DDX41: variants seen among roughly 807,000 people sequenced by gnomAD.
DDX41 encodes the protein probable ATP-dependent RNA helicase DDX41.
In DDX41, 50 loss-of-function variants were observed where a neutral mutation model predicts 78.8. That is an observed-to-expected ratio of 0.63 (90% confidence interval 0.51 to 0.80). DDX41 has a LOEUF of 0.80. Ranked by LOEUF, DDX41 falls within the 30% of genes least tolerant of loss-of-function variation. The pLI is 0.00. For missense variants in DDX41, 633 were observed against 849.2 expected (o/e 0.75, Z 3.16); for synonymous variants, 381 against 321.5 (o/e 1.19, Z -1.98).
rs778296480 is a variant in DDX41, at chr5:177,513,041, C to T, written c.1272G>A (p.Leu424=). 1.9e-5 allele frequency: 31 copies of T among 1,613,850 alleles called. No individual in the cohort carries two copies. Among genetic ancestry groups the T allele is most frequent in the Admixed American group, 3.3e-5 (2 of 60,004 alleles). Residue 424 remains leucine, a synonymous_variant, in exon 12 of 17, where the codon CTG becomes CTA. Coordinates refer to ENST00000330503, the MANE Select transcript of DDX41 (RefSeq NM_016222.4). This position sits in a 1 kb window ranked among gnomAD's most constrained non-coding sequence, Gnocchi z 4.6. ...GGGGTGTCTTCTGCAGGCACTCGAG[C>T]AGGTACACCATCTTGGCCTCCTCCT... ...YVKEEAKMVY[L]LECLQKTPPP... is the part of the protein sequence containing the mutation.
In DDX41 at chr5:177,515,042, G is replaced by A. The variant is rs367840907; in HGVS notation, c.672C>T (p.Ile224=). 6.8e-6 allele frequency: 11 copies of A among 1,613,292 alleles called. No individual in the cohort carries two copies. The East Asian group carries it at 8.9e-5, about 13-fold the overall frequency. ...GTGTCTTGCCTGAACCCGTGAAAGCGATGCCTATCATGTCACGGCCAGATA... is the reference window on the plus strand; with the variant it reads ...GTGTCTTGCCTGAACCCGTGAAAGCAATGCCTATCATGTCACGGCCAGATA... ...TILSGRDMIG[I]AFTGSGKTLV... Residue 224 remains isoleucine, a synonymous_variant, in exon 8 of 17, where the codon ATC becomes ATT. Transcript: ENST00000330503.
In DDX41 at chr5:177,516,849, C is replaced by G; in HGVS notation, c.28-14G>C. The G allele has an allele frequency of 6.2e-7, 1 of 1,613,060 alleles. No individual in the cohort carries two copies. Among genetic ancestry groups the G allele is most frequent in the Non-Finnish European group, 8.5e-7 (1 of 1,179,968 alleles). ...GGTGCGAGCCCGCTGCAAGCACACG[C>G]CAGTCAGGCACGGCCTGCTCCCCTC... On this transcript the variant is annotated splice_polypyrimidine_tract_variant and intron_variant, in intron 1 of 16. Transcript: ENST00000330503.
chr5:177,513,641 A>C lies in DDX41; in HGVS notation c.1098+44T>G. ...GTCCCTGCAGTCTGATGTGGCGTGC[A>C]GTGGGGGGCGGTGCAGGGTGCCCTG... On this transcript the variant is annotated intron_variant, in intron 10 of 16. Transcript: ENST00000330503. The surrounding 1 kb of genome is among the most constrained non-coding windows in gnomAD (Gnocchi z 4.6). 2 of 1,608,980 alleles carry C rather than the reference A, an allele frequency of 1.2e-6. No individual in the cohort carries two copies. The highest frequency in any genetic ancestry group is 8.5e-7 in the Non-Finnish European group (1 of 1,177,030).
At chr5:177,515,118 A>G (rs935314360) in intron 7 of DDX41, 49 bp from the exon 8 acceptor site, 2 of 1,612,188 alleles carry the variant, frequency 1.2e-6, no homozygotes, top group Admixed American at 1.7e-5. Flanking sequence ...AAGATGAAGG[A>G]CACCTAGCCA....
In DDX41 at chr5:177,516,406, C is replaced by T. The variant is rs2127437858; in HGVS notation, c.180G>A (p.Glu60=). ...CACTACCGCTGTCCTGCTGCTCTTCCTCCGCAGCTCCCTTGCGTCTTCGCT... is the reference window on the plus strand; with the variant it reads ...CACTACCGCTGTCCTGCTGCTCTTCTTCCGCAGCTCCCTTGCGTCTTCGCT... ...LLQRRRKGAA[E]EEQQDSGSEP... is the part of the protein sequence containing the mutation. The change falls in exon 3 of 17, where the codon GAG becomes GAA. Residue 60 remains glutamate, a synonymous_variant. Coordinates refer to ENST00000330503, the MANE Select transcript of DDX41 (RefSeq NM_016222.4). The T allele has an allele frequency of 1.2e-6, 2 of 1,613,958 alleles. No homozygotes were observed. The highest frequency in any genetic ancestry group is 2.7e-5 in the African/African-American group (2 of 75,054).
intron 16 of DDX41, 34 bp downstream of exon 16, chr5:177,512,062 G>C: frequency 6.2e-7 from 1 of 1,609,780 alleles, no homozygotes. Context: ...GCCACCTGCC[G>C]GCTGGGGACT....
At position 177,515,418 on chromosome 5, in the gene DDX41, G is replaced by T. The variant is rs920989726; in HGVS notation, c.572-160C>A. The T allele has an allele frequency of 5.4e-6, 5 of 928,962 alleles. No individual in the cohort carries two copies. The African/African-American group carries it at 6.6e-5, about 12-fold the overall frequency. The allele number at this position is 928,962 out of a possible 1,614,324, so 57.5% of individuals were successfully genotyped here. On this transcript the variant is annotated intron_variant, in intron 6 of 16. Coordinates refer to ENST00000330503, the MANE Select transcript of DDX41 (RefSeq NM_016222.4). ...AAAAAAAAAAGAAAAAAAGAGACTTGTCCAAGGCCCACAGGCTAGGTGCAG... is the reference window on the plus strand; with the variant it reads ...AAAAAAAAAAGAAAAAAAGAGACTTTTCCAAGGCCCACAGGCTAGGTGCAG...
rs200122668 is a variant in DDX41, at chr5:177,514,815, T to C, written c.821A>G (p.His274Arg). Residue 274 changes from histidine to arginine, a missense_variant, in exon 9 of 17, where the codon CAT becomes CGT. By Grantham distance (29) the His-to-Arg change is conservative. Around this residue, in one of 6 missense-constraint regions of DDX41, gnomAD observed 151 missense variants for 169.2 expected, o/e 0.89. Transcript: ENST00000330503. This position sits in a 1 kb window ranked among gnomAD's most constrained non-coding sequence, Gnocchi z 4.2. ...GCGGCAGTAGTACTCCAGGATGCCA[T>C]GGGTCTGCCGGGCCAGCTCCCGCTG... ...CPSRELARQT[H>R]GILEYYCRLL... 5.6e-6 allele frequency: 9 copies of C among 1,612,236 alleles called. No homozygotes were observed. Among genetic ancestry groups the C allele is most frequent in the East Asian group, 4.5e-5 (2 of 44,858 alleles).
At position 177,514,938 on chromosome 5, in the gene DDX41, T is replaced by C. The variant is rs139780256; in HGVS notation, c.776A>G (p.Tyr259Cys). Residue 259 changes from tyrosine (Y) to cysteine (C), a missense_variant, in exon 8 of 17, where the codon TAT (tyrosine) becomes TGT (cysteine). Physicochemically the swap from Tyr to Cys is radical, Grantham distance 194 (BLOSUM62 -2). This residue lies in a region of DDX41 where 151 missense variants were observed against 169.2 expected (regional missense o/e 0.89). Transcript: ENST00000330503. This position sits in a 1 kb window ranked among gnomAD's most constrained non-coding sequence, Gnocchi z 4.2. The part of the protein sequence containing the change: ...RLPFSKREGP[Y>C]GLIICPSREL... ...TACCGAGGGGCAGATGATGAGTCCA[T>C]AGGGCCCCTCGCGCTTTGAGAAGGG... 1.2e-5 allele frequency: 20 copies of C among 1,612,048 alleles called. No individual in the cohort carries two copies. In the East Asian group the frequency reaches 3.1e-4, roughly 25 times the overall value.
At chr5:177,516,858 C>T (rs561627128) in intron 1 of DDX41, 23 bp from the exon 2 acceptor site, 9 of 1,613,138 alleles carry the variant, frequency 5.6e-6, no homozygotes, top group Admixed American at 1.7e-5. Context: ...GCCAGTCAGG[C>T]ACGGCCTGCT....
intron 16 of DDX41, 63 bp from the exon 17 acceptor site, chr5:177,511,990 G>GC (rs1760971323): frequency 2.5e-6 from 4 of 1,606,480 alleles, no homozygotes; most frequent in Non-Finnish European, 3.4e-6. Context: ...TGGACTTCGG[G>GC]CCCCCCGTTA....
Position 177,511,914 on chromosome 5 carries a change from A to G in DDX41, c.1746T>C (p.Cys582=). 1 of 1,613,974 alleles carries G rather than the reference A, an allele frequency of 6.2e-7. No homozygotes were observed. Among genetic ancestry groups the G allele is most frequent in the Non-Finnish European group, 8.5e-7 (1 of 1,180,028 alleles). ...SMLDIGGERG[C]AFCGGLGHRI... ...GATGACCCAGGCCCCCGCAGAAGGC[A>G]CAGCCGCGCTCTCCTGGGGGAATGG... Residue 582 remains cysteine, a synonymous_variant, in exon 17 of 17, where the codon TGT becomes TGC. Coordinates refer to ENST00000330503, the MANE Select transcript of DDX41 (RefSeq NM_016222.4).
At position 177,515,213 on chromosome 5, in the gene DDX41, G is replaced by T; in HGVS notation, c.617C>A (p.Pro206His). ...LKKKGIHHPT[P>H]IQIQGIPTIL... is the part of the protein sequence containing the mutation. ...GGTGGGGATGCCCTGGATCTGAATG[G>T]GTGTTGGGTGGTGAATGCCTTTCTT... Residue 206 changes from proline to histidine, a missense_variant, in exon 7 of 17, where the codon CCC (proline) becomes CAC (histidine). Around this residue, in one of 6 missense-constraint regions of DDX41, gnomAD observed 126 missense variants for 115.5 expected, o/e 1.09. Transcript: ENST00000330503. 6.2e-7 allele frequency: 1 copy of T among 1,613,966 alleles called. No homozygotes were observed. The highest frequency in any genetic ancestry group is 8.5e-7 in the Non-Finnish European group (1 of 1,180,026).
At chr5:177,512,074 G>A (rs376314730) in intron 16 of DDX41, 22 bp downstream of exon 16, 311 of 1,610,778 alleles carry the variant, frequency 1.9e-4, no homozygotes, top group East Asian at 3.3e-4. Context: ...CTGGGGACTC[G>A]GGGATCCCGC....
At position 177,513,830 on chromosome 5, in the gene DDX41, A is replaced by C. The variant is rs1761096909; in HGVS notation, c.953T>G (p.Val318Gly). 2 of 1,613,502 alleles carry C rather than the reference A, an allele frequency of 1.2e-6. No homozygotes were observed. The highest frequency in any genetic ancestry group is 1.7e-6 in the Non-Finnish European group (2 of 1,180,002). Residue 318 changes from valine (V) to glycine (G), a missense_variant, in exon 10 of 17, where the codon GTG becomes GGG. Around this residue, in one of 6 missense-constraint regions of DDX41, gnomAD observed 151 missense variants for 169.2 expected, o/e 0.89. Transcript: ENST00000330503. This position sits in a 1 kb window ranked among gnomAD's most constrained non-coding sequence, Gnocchi z 4.6. ...ATCCATGAGGCGCCCCGGGGTGGCC[A>C]CCATCATGTGTACACCGCTGGGGAC... Reference protein sequence around the residue: ...ETIRHGVHMMVATPGRLMDLL... With the variant: ...ETIRHGVHMMGATPGRLMDLL...
chr5:177,515,679 G>A lies in DDX41; in HGVS notation c.571+6C>T. 6.2e-7 allele frequency: 1 copy of A among 1,613,844 alleles called. No homozygotes were observed. Among genetic ancestry groups the A allele is most frequent in the East Asian group, 2.2e-5 (1 of 44,880 alleles). On this transcript the variant is annotated splice_donor_region_variant and intron_variant, in intron 6 of 16. Transcript: ENST00000330503. ...AGTGTGGTATCTCTCTCCAGCCCCT[G>A]ACTACCTGCAGGAAACTTCATTTCC... is the stretch of plus-strand genomic sequence containing the variant.
Position 177,516,165 on chromosome 5 carries a change from C to T in DDX41, c.327G>A (p.Gln109=). Residue 109 remains glutamine (Q), a synonymous_variant, in exon 4 of 17, where the codon CAG becomes CAA. Transcript: ENST00000330503. ...EARKESAKEK[Q]LKEEEKILES... is the part of the protein sequence containing the mutation. Reference sequence around the variant, plus strand: ...CCAGGATCTTCTCTTCTTCCTTCAGCTGCTTCTCCTTGGCAGACTCTTTGC... The same window carrying T: ...CCAGGATCTTCTCTTCTTCCTTCAGTTGCTTCTCCTTGGCAGACTCTTTGC... The T allele has an allele frequency of 6.2e-7, 1 of 1,614,090 alleles. No individual in the cohort carries two copies. Among genetic ancestry groups the T allele is most frequent in the South Asian group, 1.1e-5 (1 of 91,082 alleles).
rs1561730923 is a variant in DDX41 at position 177,512,488 on chromosome 5, GCT to G, written c.1549+6_1549+7del. The G allele has an allele frequency of 6.2e-7, 1 of 1,614,086 alleles. No individual in the cohort carries two copies. Among genetic ancestry groups the G allele is most frequent in the Non-Finnish European group, 8.5e-7 (1 of 1,180,012 alleles). On this transcript the variant is annotated splice_donor_region_variant and intron_variant, in intron 14 of 16. Coordinates refer to ENST00000330503, the MANE Select transcript of DDX41 (RefSeq NM_016222.4). ...CCTAACCCATGCCCTTGGGCCCCAG[GCT>G]CTTACCATAGTTCTCAATCTCCTCT...
intron 13 of DDX41, 56 bp downstream of exon 13, chr5:177,512,724 T>G (rs1433466684): frequency 1.2e-6 from 2 of 1,613,218 alleles, no homozygotes; most frequent in East Asian, 4.5e-5. Context: ...GGGAAGGCAT[T>G]AGGTAAAGCA....
Sources: gnomAD v4.1 joint callset for allele counts on GRCh38, gnomAD v4.1.1 for gene constraint, gnomAD v4.1.1 regional missense constraint, Gnocchi (gnomAD v3.1) non-coding constraint, MANE v1.5 for transcripts, NCBI Gene and HGNC (gene_info 2026-07-23, HGNC 2026-07-21) for gene names.